Variants in MYBPC1 observed in about 807,000 individuals in gnomAD.
MYBPC1 encodes myosin-binding protein C, slow-type.
A neutral mutation model predicts 147.1 loss-of-function variants in MYBPC1; 52 were observed. That is an observed-to-expected ratio of 0.35 (90% CI 0.28 to 0.45). The LOEUF (loss-of-function observed/expected upper bound fraction) is 0.45, where lower values mean the gene tolerates loss of function less well. Ranked by LOEUF, MYBPC1 falls within the 20% of genes least tolerant of loss-of-function variation. The pLI, the probability that MYBPC1 is intolerant of heterozygous loss-of-function variation, is 1.00. For missense variants in MYBPC1, 1,228 were observed against 1,440.3 expected (o/e 0.85, Z 2.39); for synonymous variants, 477 against 475.9 (o/e 1.00, Z -0.03).
chr12:101,621,483 T>G (rs901583383), intron 3 of MYBPC1, among the ~76,000 whole-genome samples: 4 of 152,196 alleles, frequency 2.6e-5, no homozygotes, highest in African/African-American at 9.6e-5. Flanking sequence ...ATTGTTATTG[T>G]CTCCCATATT....
intron 28 of MYBPC1, among the ~76,000 whole-genome samples, chr12:101,679,388 G>T (rs1950786930): frequency 6.6e-6 from 1 of 152,138 alleles, no homozygotes; most frequent in Admixed American, 6.5e-5. Flanking sequence ...AAGGTGTGAG[G>T]CTCAGTGATC....
chr12:101,684,411 T>C lies in MYBPC1; in HGVS notation c.*6T>C, dbSNP rs781010521. 1.3e-6 allele frequency: 2 copies of C among 1,586,046 alleles called. No individual in the cohort carries two copies. The highest frequency in any genetic ancestry group is 3.3e-5 in the Admixed American group (2 of 59,930). ...TGCACAATAAGGATTTTTGAATGTA[T>C]AATATCATCTAAGGTAAGCTTTCAT... is the stretch of plus-strand genomic sequence containing the variant. On this transcript the variant is annotated 3_prime_UTR_variant, in exon 31 of 32. Transcript: ENST00000361466.
At chr12:101,637,055 T>TC (rs2136122445) in intron 10 of MYBPC1, 3 of 290,850 alleles carry the variant, frequency 1.0e-5, no homozygotes, top group Non-Finnish European at 2.0e-5. Flanking sequence ...TATGATTTGG[T>TC]AGAAGTCTGA....
Position 101,626,268 on chromosome 12 carries a change from T to C in MYBPC1, c.104-604T>C, listed in dbSNP as rs182778195. The stretch of plus-strand genomic sequence containing the variant: ...CTGCACATAAACACTAAAAGACATA[T>C]TTTGAATTTCACAAATACATATGGG... On this transcript the variant is annotated intron_variant, in intron 3 of 31. Coordinates refer to ENST00000361466, the MANE Select transcript of MYBPC1 (RefSeq NM_002465.4). Among the ~76,000 whole-genome samples the C allele has an allele frequency of 5.5e-4, 84 of 152,254 alleles. No individual in the cohort carries two copies. In the East Asian group the frequency reaches 0.013, roughly 24 times the overall value.
intron 12 of MYBPC1, among the ~76,000 whole-genome samples, chr12:101,645,716 A>G (rs1376722993): frequency 6.6e-6 from 1 of 152,240 alleles, no homozygotes; most frequent in Non-Finnish European, 1.5e-5. Context: ...TGAAGGCTTC[A>G]ATCTGAGAAA....
At chr12:101,608,536 T>A (rs564290331) in intron 1 of MYBPC1, among the ~76,000 whole-genome samples, 2 of 152,354 alleles carry the variant, frequency 1.3e-5, no homozygotes, top group African/African-American at 4.8e-5. Flanking sequence ...TCAATAAATA[T>A]CGGTTTGCTT....
intron 12 of MYBPC1, 26 bp from the exon 13 acceptor site, chr12:101,646,735 CTG>C (rs751306922): frequency 6.2e-7 from 1 of 1,611,248 alleles, no homozygotes; most frequent in Non-Finnish European, 8.5e-7. Context: ...TTCACAGACT[CTG>C]TTTATTTTCA....
At chr12:101,625,350 GT>G (rs1241548324) in intron 3 of MYBPC1, among the ~76,000 whole-genome samples, 6 of 152,164 alleles carry the variant, frequency 3.9e-5, no homozygotes, top group Admixed American at 2.0e-4. Context: ...AGTTCAGTTG[GT>G]TTTATTCTAA....
intron 3 of MYBPC1, among the ~76,000 whole-genome samples, chr12:101,620,668 G>T (rs1887163656): frequency 1.3e-5 from 2 of 152,156 alleles, no homozygotes; most frequent in Non-Finnish European, 2.9e-5. Flanking sequence ...CTCAACAGCT[G>T]GCCCTGTGGA....
chr12:101,692,437 T>C, the MYBPC1 span, among the ~76,000 whole-genome samples: 1 of 152,210 alleles, frequency 6.6e-6, no homozygotes, highest in Non-Finnish European at 1.5e-5. Context: ...GTTGGGAACA[T>C]AAGCTCTGAA....
intron 18 of MYBPC1, among the ~76,000 whole-genome samples, chr12:101,656,744 T>A (rs897769072): frequency 1.3e-5 from 2 of 152,176 alleles, no homozygotes; most frequent in Non-Finnish European, 2.9e-5. Context: ...GCATTCACTA[T>A]TATAGTTGGA....
intron 18 of MYBPC1, among the ~76,000 whole-genome samples, chr12:101,659,290 C>G (rs959139186): frequency 2.0e-5 from 3 of 152,126 alleles, no homozygotes; most frequent in African/African-American, 4.8e-5. Flanking sequence ...ACAGGGATTC[C>G]TCTCCTAGAA....
chr12:101,687,380 A>G (rs1485310123), downstream of MYBPC1, among the ~76,000 whole-genome samples: 2 of 152,156 alleles, frequency 1.3e-5, no homozygotes, highest in Admixed American at 6.5e-5. Flanking sequence ...AGCTTCATCC[A>G]TGTCCCTACA....
At chr12:101,621,658 A>G (rs1380221426) in intron 3 of MYBPC1, among the ~76,000 whole-genome samples, 1 of 152,176 alleles carries the variant, frequency 6.6e-6, no homozygotes, top group Admixed American at 6.5e-5. Context: ...TTTGGTCTTT[A>G]TTATTAAATC....
intron 14 of MYBPC1, 54 bp downstream of exon 14, chr12:101,648,204 T>C: frequency 7.7e-7 from 1 of 1,290,944 alleles, no homozygotes; most frequent in Non-Finnish European, 1.1e-6. Context: ...AAATTGGACC[T>C]TCATAGTTGA....
At chr12:101,596,681 T>G (rs1447739273) in intron 1 of MYBPC1, among the ~76,000 whole-genome samples, 1 of 152,270 alleles carries the variant, frequency 6.6e-6, no homozygotes, top group East Asian at 1.9e-4. Context: ...TTACTTTTCA[T>G]TTGACAACTC....
intron 24 of MYBPC1, among the ~76,000 whole-genome samples, chr12:101,673,114 C>A (rs1207369943): frequency 6.6e-6 from 1 of 152,138 alleles, no homozygotes; most frequent in Non-Finnish European, 1.5e-5. Flanking sequence ...AGCTGGGAGA[C>A]CTGGTTCCAG....
chr12:101,617,850 A>G (rs1027866577), intron 3 of MYBPC1, among the ~76,000 whole-genome samples: 3 of 152,202 alleles, frequency 2.0e-5, no homozygotes, highest in Non-Finnish European at 4.4e-5. Flanking sequence ...TTAATCATAT[A>G]CTTCTGTTAC....
intron 15 of MYBPC1, among the ~76,000 whole-genome samples, chr12:101,650,585 T>C (rs61526797): frequency 0.014 from 2,171 of 152,222 alleles, 62 homozygotes; most frequent in African/African-American, 0.05. Context: ...ACCGCCCCCA[T>C]GATTCAATTA....
Sources: allele counts gnomAD v4.1 joint callset (sites outside exome capture counted in the v4.1 genomes callset), GRCh38; gene constraint gnomAD v4.1.1; transcripts MANE v1.5; gene names NCBI Gene and HGNC (gene_info 2026-07-23, HGNC 2026-07-21).